Variants in FRAS1 observed in about 807,000 individuals in gnomAD.
The protein encoded by FRAS1 is extracellular matrix organizing protein FRAS1.
A neutral mutation model predicts 435.2 loss-of-function variants in FRAS1; 290 were observed. That is an observed-to-expected ratio of 0.67 (90% CI 0.61 to 0.73). The LOEUF (loss-of-function observed/expected upper bound fraction) is 0.73, where lower values mean the gene tolerates loss of function less well. Among genes scored for constraint, FRAS1 ranks in the 30% least tolerant of loss-of-function variants. The pLI is 0.00. For missense variants in FRAS1, 4,860 were observed against 5,001.5 expected (o/e 0.97, Z 0.85); for synonymous variants, 1,800 against 1,851.0 (o/e 0.97, Z 0.71).
chr4:78,445,143 T>C (rs1718761401), intron 41 of FRAS1, among the ~76,000 whole-genome samples: 1 of 152,266 alleles, frequency 6.6e-6, no homozygotes, highest in African/African-American at 2.4e-5. Context: ...TGAAACTAGC[T>C]GGAGCTTAAG....
At chr4:78,319,034 T>C in intron 18 of FRAS1, 48 bp downstream of exon 18, 1 of 1,566,954 alleles carries the variant, frequency 6.4e-7, no homozygotes, top group Non-Finnish European at 8.8e-7. Context: ...GCTTATCTCT[T>C]GAGAGATCCT....
intron 73 of FRAS1, among the ~76,000 whole-genome samples, 193 bp downstream of exon 73, chr4:78,539,633 A>T (rs1462049120): frequency 6.6e-6 from 1 of 152,194 alleles, no homozygotes. Flanking sequence ...AGACCAAAAC[A>T]ATTATACAAT....
Position 78,059,026 on chromosome 4 carries a change from C to T in FRAS1, c.76+941C>T, listed in dbSNP as rs140630535. 5.0e-3 allele frequency among the ~76,000 whole-genome samples: 768 copies of T among 152,290 alleles called. 10 individuals are homozygous for T. Among genetic ancestry groups the T allele is most frequent in the African/African-American group, 0.018 (734 of 41,558 alleles). ...GGCTTAATCCACAGCGCCTGGCTCT[C>T]GGCTTCCCCTCCCGGCTCCATTCAT... On this transcript the variant is annotated intron_variant, in intron 1 of 73. Transcript: ENST00000512123.
At position 78,540,988 on chromosome 4, in the gene FRAS1, G is replaced by C; in HGVS notation, c.11903G>C (p.Arg3968Thr). Reference sequence around the variant, plus strand: ...GACCGGGTGGAGAAGAACGTGAATAGACACTACTGCACTGTGCGGAACGTC... The same window carrying C: ...GACCGGGTGGAGAAGAACGTGAATACACACTACTGCACTGTGCGGAACGTC... ...HPDRVEKNVN[R>T]HYCTVRNVNI... Residue 3968 changes from arginine to threonine, a missense_variant, in exon 74 of 74, where the codon AGA becomes ACA. Arg to Thr is a moderately conservative substitution (Grantham distance 71). Coordinates refer to ENST00000512123, the MANE Select transcript of FRAS1 (RefSeq NM_025074.7). The C allele has an allele frequency of 6.2e-7, 1 of 1,613,060 alleles. No homozygotes were observed.
chr4:78,387,345 A>T, intron 28 of FRAS1, 30 bp from the exon 29 acceptor site: 1 of 1,527,944 alleles, frequency 6.5e-7, no homozygotes. Flanking sequence ...TTTCCCTCTT[A>T]ACTGACTCTT....
intron 6 of FRAS1, among the ~76,000 whole-genome samples, chr4:78,261,844 A>G (rs984079225): frequency 6.6e-6 from 1 of 152,164 alleles, no homozygotes; most frequent in Non-Finnish European, 1.5e-5. Context: ...TAAAACTTAA[A>G]TAAGTTTTTA....
intron 2 of FRAS1, among the ~76,000 whole-genome samples, chr4:78,177,928 A>T (rs1209517929): frequency 1.3e-5 from 2 of 152,194 alleles, no homozygotes; most frequent in Non-Finnish European, 2.9e-5. Context: ...GGGCTGCCAT[A>T]GCAAATTTCC....
chr4:78,221,812 C>A (rs1374722769), intron 2 of FRAS1, among the ~76,000 whole-genome samples: 3 of 152,174 alleles, frequency 2.0e-5, no homozygotes, highest in Non-Finnish European at 4.4e-5. Context: ...AAGGTCACAA[C>A]ACCCCTGTAA....
rs1720017844 is a variant in FRAS1, at chr4:78,481,791, A to G, written c.8444-13A>G. 1 of 1,613,528 alleles carries G rather than the reference A, an allele frequency of 6.2e-7. No individual in the cohort carries two copies. Among genetic ancestry groups the G allele is most frequent in the African/African-American group, 1.3e-5 (1 of 75,028 alleles). ...AAAGTTGACCATTAAAATCTCTATG[A>G]ATCTTAATTCAGGCACAGTAAAGAT... On this transcript the variant is annotated splice_polypyrimidine_tract_variant and intron_variant, in intron 56 of 73. Transcript: ENST00000512123.
intron 20 of FRAS1, among the ~76,000 whole-genome samples, chr4:78,341,151 G>A (rs1469880583): frequency 6.6e-6 from 1 of 152,254 alleles, no homozygotes; most frequent in East Asian, 1.9e-4. Flanking sequence ...AAAGCTTTCC[G>A]GAGGATGTCA....
chr4:78,379,676 A>G (rs756574883), intron 26 of FRAS1, 50 bp from the exon 27 acceptor site: 58 of 1,552,344 alleles, frequency 3.7e-5, no homozygotes, highest in Non-Finnish European at 4.7e-5. Context: ...AAAGTGACCT[A>G]ATTAGTGAAG....
rs1360554063 is a variant in FRAS1, at chr4:78,151,326, C to T, written c.108+85310C>T. Among the ~76,000 whole-genome samples the T allele has an allele frequency of 2.0e-5, 3 of 151,976 alleles. No homozygotes were observed. In the South Asian group the frequency reaches 6.2e-4, roughly 32 times the overall value. ...CAAGTTGAGATAGGATACTTTGTTC[C>T]AAAATGTTTATTAAGCATCTACCAT... On this transcript the variant is annotated intron_variant, in intron 2 of 73. Coordinates refer to ENST00000512123, the MANE Select transcript of FRAS1 (RefSeq NM_025074.7).
At chr4:78,169,306 T>C (rs1578164268) in intron 2 of FRAS1, among the ~76,000 whole-genome samples, 1 of 152,124 alleles carries the variant, frequency 6.6e-6, no homozygotes, top group East Asian at 1.9e-4. Flanking sequence ...TTTACCTCTG[T>C]TCTCTCTCCC....
chr4:78,338,467 A>C (rs1187016458), intron 20 of FRAS1, among the ~76,000 whole-genome samples: 1 of 152,218 alleles, frequency 6.6e-6, no homozygotes, highest in Non-Finnish European at 1.5e-5. Context: ...CAATGACTCC[A>C]CCACCAAAGA....
At chr4:78,321,641 C>T (rs1056553057) in intron 18 of FRAS1, among the ~76,000 whole-genome samples, 19 of 152,002 alleles carry the variant, frequency 1.2e-4, no homozygotes, top group African/African-American at 3.1e-4. Context: ...GTCTGGAGTT[C>T]GACACCAGCT....
At position 78,536,961 on chromosome 4, in the gene FRAS1, G is replaced by A. The variant is rs772354748; in HGVS notation, c.11093-34G>A. The A allele has an allele frequency of 6.4e-6, 10 of 1,563,628 alleles. 1 individual carries two copies. The South Asian group carries it at 1.1e-4, about 17-fold the overall frequency. ...ACATTTGTTTTTCTTTCATCTTAAA[G>A]TCTGACCTAATTAATACCTTTCAAT... On this transcript the variant is annotated intron_variant, in intron 71 of 73. Transcript: ENST00000512123.
Position 78,057,843 on chromosome 4 carries a change from T to C in FRAS1, c.-167T>C. On this transcript the variant is annotated 5_prime_UTR_variant, in exon 1 of 74. Transcript: ENST00000512123. This position sits in a 1 kb window ranked among gnomAD's most constrained non-coding sequence, Gnocchi z 4.2. Reference sequence around the variant, plus strand: ...CCAGCCCGCTCCGGCGCCTCCGGGCTGATGAGTGTCGCTCTCCGCCCGTCC... The same window carrying C: ...CCAGCCCGCTCCGGCGCCTCCGGGCCGATGAGTGTCGCTCTCCGCCCGTCC... 1.6e-6 allele frequency: 1 copy of C among 619,560 alleles called. No individual in the cohort carries two copies. Among genetic ancestry groups the C allele is most frequent in the East Asian group, 2.7e-5 (1 of 36,364 alleles). 38.4% of individuals were successfully genotyped at this position (619,560 alleles called of 1,614,324 possible). A position where few individuals can be genotyped will look rare whatever the true frequency, so the allele number is the denominator to read the frequency against.
At chr4:78,156,509 C>A (rs986107874) in intron 2 of FRAS1, among the ~76,000 whole-genome samples, 2 of 151,920 alleles carry the variant, frequency 1.3e-5, no homozygotes, top group African/African-American at 2.4e-5. Flanking sequence ...CAGAGCCAGC[C>A]CTCTGGACCA....
chr4:78,091,839 A>T (rs1741541159), intron 2 of FRAS1, among the ~76,000 whole-genome samples: 1 of 151,950 alleles, frequency 6.6e-6, no homozygotes, highest in Non-Finnish European at 1.5e-5. Context: ...ATATATTTTT[A>T]AAAATAAAAA....
Sources: gnomAD v4.1 joint callset for allele counts (sites outside exome capture counted in the v4.1 genomes callset) on GRCh38, gnomAD v4.1.1 for gene constraint, Gnocchi (gnomAD v3.1) non-coding constraint, MANE v1.5 for transcripts, NCBI Gene and HGNC (gene_info 2026-07-23, HGNC 2026-07-21) for gene names.